Variants in NUBPL observed in about 807,000 individuals in gnomAD.
The protein encoded by NUBPL is NUBP iron-sulfur cluster assembly factor, mitochondrial.
Under a neutral mutation model 45.7 loss-of-function variants are expected in NUBPL, and 31 were observed. The observed-to-expected ratio is 0.68, with a 90% confidence interval of 0.51 to 0.92. The LOEUF is 0.92. Among genes scored for constraint, NUBPL ranks in the 40% least tolerant of loss-of-function variants. The pLI, the probability that NUBPL is intolerant of heterozygous loss-of-function variation, is 0.00. For synonymous variants in NUBPL, 144 were observed against 140.9 expected (o/e 1.02, Z -0.15); for missense variants, 401 against 398.7 (o/e 1.01, Z -0.05).
intron 6 of NUBPL, among the ~76,000 whole-genome samples, chr14:31,769,126 G>A (rs2038963512): frequency 6.6e-6 from 1 of 152,120 alleles, no homozygotes; most frequent in Non-Finnish European, 1.5e-5. Context: ...GTAATACATT[G>A]TTAAGCTATA....
chr14:31,666,263 A>T (rs7161607), intron 4 of NUBPL, among the ~76,000 whole-genome samples: 36,901 of 109,546 alleles, frequency 0.34, 8,636 homozygotes, highest in African/African-American at 0.48. Flanking sequence ...ATATATATAT[A>T]ATTTTATTTT....
chr14:31,769,102 A>C (rs1020994897), intron 6 of NUBPL, among the ~76,000 whole-genome samples: 1 of 152,158 alleles, frequency 6.6e-6, no homozygotes, highest in African/African-American at 2.4e-5. Flanking sequence ...CACAAATAAC[A>C]TTGATTAGTG....
At chr14:31,725,330 A>C (rs923741840) in intron 6 of NUBPL, among the ~76,000 whole-genome samples, 2 of 152,168 alleles carry the variant, frequency 1.3e-5, no homozygotes, top group African/African-American at 4.8e-5. Context: ...TTGTTTTGTT[A>C]ATTGCTATCC....
intron 6 of NUBPL, among the ~76,000 whole-genome samples, chr14:31,689,033 G>A: frequency 6.6e-6 from 1 of 151,750 alleles, no homozygotes. Flanking sequence ...ATTCCATGGT[G>A]TATATGTACC....
At chr14:31,730,495 G>A (rs1032696605) in intron 6 of NUBPL, among the ~76,000 whole-genome samples, 6 of 143,902 alleles carry the variant, frequency 4.2e-5, no homozygotes, top group East Asian at 4.0e-4. Flanking sequence ...ATGGAGTCTT[G>A]CACCGTCGCC....
intron 6 of NUBPL, among the ~76,000 whole-genome samples, chr14:31,710,972 C>G (rs941240470): frequency 2.6e-5 from 4 of 152,100 alleles, no homozygotes; most frequent in African/African-American, 9.7e-5. Context: ...ATAGGAGAAA[C>G]TAGAAAAGCA....
intron 6 of NUBPL, among the ~76,000 whole-genome samples, chr14:31,759,192 T>G (rs758238439): frequency 1.3e-5 from 2 of 152,192 alleles, no homozygotes; most frequent in Non-Finnish European, 2.9e-5. Flanking sequence ...GTAATTTGTT[T>G]ATTCTTTTTT....
chr14:31,592,608 T>G (rs1375776583), intron 3 of NUBPL, among the ~76,000 whole-genome samples: 1 of 150,564 alleles, frequency 6.6e-6, no homozygotes, highest in East Asian at 1.9e-4. Context: ...TTTACTATGT[T>G]TTTTTAAAAA....
intron 4 of NUBPL, among the ~76,000 whole-genome samples, chr14:31,649,112 AG>A (rs779229645): frequency 6.6e-6 from 1 of 152,140 alleles, no homozygotes; most frequent in Non-Finnish European, 1.5e-5. Context: ...CCTGGCCCCA[AG>A]TTTTGTTTTT....
chr14:31,644,340 A>G (rs770264709), intron 4 of NUBPL, among the ~76,000 whole-genome samples: 8 of 151,984 alleles, frequency 5.3e-5, no homozygotes, highest in Non-Finnish European at 7.4e-5. Context: ...AGATTTTGGT[A>G]TGCTGTATTT....
At chr14:31,710,219 C>T (rs962689373) in intron 6 of NUBPL, among the ~76,000 whole-genome samples, 1 of 152,102 alleles carries the variant, frequency 6.6e-6, no homozygotes, top group Admixed American at 6.5e-5. Context: ...CTGTTGATGC[C>T]TGAGTGTTTC....
intron 7 of NUBPL, among the ~76,000 whole-genome samples, chr14:31,798,421 T>G (rs2039510480): frequency 6.6e-6 from 1 of 151,792 alleles, no homozygotes; most frequent in Non-Finnish European, 1.5e-5. Flanking sequence ...CATTTGCTAT[T>G]TGATTACTTG....
intron 4 of NUBPL, among the ~76,000 whole-genome samples, chr14:31,665,242 A>T (rs571872922): frequency 6.6e-6 from 1 of 151,824 alleles, no homozygotes; most frequent in East Asian, 1.9e-4. Flanking sequence ...CTCTGATCTT[A>T]GTTATTTCTT....
Position 31,691,676 on chromosome 14 carries a change from G to A in NUBPL, c.513+18102G>A, listed in dbSNP as rs560958849. ...ATATTAAGGGAATATGTTTAGCCCA[G>A]AGTGGCAGGCTCGTGAGTAGTGGAA... is the stretch of plus-strand genomic sequence containing the variant. On this transcript the variant is annotated intron_variant, in intron 6 of 10. Transcript: ENST00000281081. Among the ~76,000 whole-genome samples the A allele has an allele frequency of 2.0e-5, 3 of 152,332 alleles. No homozygotes were observed. In the South Asian group the frequency reaches 6.2e-4, roughly 32 times the overall value.
chr14:31,607,337 C>T (rs1196192686), intron 4 of NUBPL, among the ~76,000 whole-genome samples: 6 of 151,182 alleles, frequency 4.0e-5, no homozygotes, highest in Admixed American at 6.6e-5. Flanking sequence ...GAGCCGAGAT[C>T]GTGCCACTGC....
At chr14:31,668,596 G>C (rs948734848) in intron 4 of NUBPL, among the ~76,000 whole-genome samples, 1 of 152,126 alleles carries the variant, frequency 6.6e-6, no homozygotes, top group Non-Finnish European at 1.5e-5. Flanking sequence ...AGGTGCCATT[G>C]GGGTATGAAA....
intron 4 of NUBPL, chr14:31,662,078 C>T (rs1425736670): frequency 1.3e-5 from 2 of 151,914 alleles, no homozygotes; most frequent in Non-Finnish European, 2.9e-5. Context: ...TATCATCCTT[C>T]TGCAGGGGCC....
chr14:31,793,657 C>G (rs1258210333), intron 7 of NUBPL, among the ~76,000 whole-genome samples: 2 of 152,054 alleles, frequency 1.3e-5, no homozygotes, highest in African/African-American at 2.4e-5. Context: ...TATTATCTTT[C>G]CAACTAGGCT....
At chr14:31,742,435 C>G (rs2038306302) in intron 6 of NUBPL, among the ~76,000 whole-genome samples, 1 of 152,034 alleles carries the variant, frequency 6.6e-6, no homozygotes, top group South Asian at 2.1e-4. Flanking sequence ...TTCAGCAGGC[C>G]CGAAGTGGGG....
Sources: allele counts gnomAD v4.1 joint callset (sites outside exome capture counted in the v4.1 genomes callset), GRCh38; gene constraint gnomAD v4.1.1; transcripts MANE v1.5; gene names NCBI Gene and HGNC (gene_info 2026-07-23, HGNC 2026-07-21).